SPRING1: variants seen among roughly 807,000 people sequenced by gnomAD.
SPRING1 encodes SREBF pathway regulator in golgi 1, also known as SREBP regulating gene protein.
In SPRING1, 14 loss-of-function variants were observed where a neutral mutation model predicts 24.7. That is an observed-to-expected ratio of 0.57 (90% CI 0.37 to 0.88). SPRING1 has a LOEUF of 0.88. Ranked by LOEUF, SPRING1 falls within the 40% of genes least tolerant of loss-of-function variation. The probability of loss-of-function intolerance (pLI) is 0.00; values close to 1 mark genes in which losing one functional copy is unlikely to be tolerated. For synonymous variants in SPRING1, 93 were observed against 106.1 expected, an observed-to-expected ratio of 0.88 and a Z score of 0.76; for missense variants, 255 against 268.4, an observed-to-expected ratio of 0.95 and a Z score of 0.35.
At chr12:116,722,560 G>A (rs1326106664) in intron 2 of SPRING1, among the ~76,000 whole-genome samples, 1 of 152,136 alleles carries the variant, frequency 6.6e-6, no homozygotes, top group African/African-American at 2.4e-5. Flanking sequence ...AATATGATTT[G>A]CTTTTTCAAT....
At position 116,728,185 on chromosome 12, in the gene SPRING1, C is replaced by T. The variant is rs376881354; in HGVS notation, c.112-4962G>A. ...TTGTTTAATCTCAGGTCAAATGCCT[C>T]GCATAGTTAGGCCCGCCCTGCCACT... On this transcript the variant is annotated intron_variant, in intron 1 of 4. Coordinates refer to ENST00000261318, the MANE Select transcript of SPRING1 (RefSeq NM_024738.4). This position sits in a 1 kb window ranked among gnomAD's most constrained non-coding sequence, Gnocchi z 4.2. Among the ~76,000 whole-genome samples the T allele has an allele frequency of 1.3e-5, 2 of 152,162 alleles. No homozygotes were observed. Among genetic ancestry groups the T allele is most frequent in the Admixed American group, 6.5e-5 (1 of 15,272 alleles).
rs545601876 is a variant in SPRING1 at position 116,713,860 on chromosome 12, T to C, written c.*3950A>G. The C allele has an allele frequency of 6.6e-6, 1 of 152,338 alleles. No individual in the cohort carries two copies. The highest frequency in any genetic ancestry group is 1.5e-5 in the Non-Finnish European group (1 of 68,026). The allele number at this position is 152,338 out of a possible 1,614,324, so 9.4% of individuals were successfully genotyped here. ...ATGGGGGAAGACAAAAATGCGCTTC[T>C]CTCTAGGTTGTGTGATTTTAGGTTA... On this transcript the variant is annotated 3_prime_UTR_variant, in exon 5 of 5. Coordinates refer to ENST00000261318, the MANE Select transcript of SPRING1 (RefSeq NM_024738.4).
At chr12:116,721,847 G>A (rs151222650) in intron 2 of SPRING1, among the ~76,000 whole-genome samples, 7 of 152,290 alleles carry the variant, frequency 4.6e-5, no homozygotes, top group Admixed American at 2.0e-4. Context: ...CATCTTGTAA[G>A]TGTCAGCATC....
intron 1 of SPRING1, among the ~76,000 whole-genome samples, chr12:116,736,463 G>C (rs550350405): frequency 6.6e-6 from 1 of 152,224 alleles, no homozygotes; most frequent in East Asian, 1.9e-4. Flanking sequence ...CTCTCTGTTT[G>C]CCTAAGGTGG....
At position 116,738,045 on chromosome 12, in the gene SPRING1, A is replaced by T; in HGVS notation, c.-145T>A. 12 of 1,092,016 alleles carry T rather than the reference A, an allele frequency of 1.1e-5. No individual in the cohort carries two copies. The highest frequency in any genetic ancestry group is 1.2e-5 in the Non-Finnish European group (11 of 900,024). 67.6% of individuals were successfully genotyped at this position (1,092,016 alleles called of 1,614,324 possible). A position where few individuals can be genotyped will look rare whatever the true frequency, so the allele number is the denominator to read the frequency against. The stretch of plus-strand genomic sequence containing the variant: ...GCCCGCAGCCCAGTCTGCTCCCGGC[A>T]GCCTTGGGCGCAGCCCCACGTGACC... On this transcript the variant is annotated 5_prime_UTR_variant, in exon 1 of 5. Transcript: ENST00000261318.
At position 116,713,527 on chromosome 12, in the gene SPRING1, G is replaced by A. The variant is rs1275161472; in HGVS notation, c.*4283C>T. On this transcript the variant is annotated 3_prime_UTR_variant, in exon 5 of 5. Coordinates refer to ENST00000261318, the MANE Select transcript of SPRING1 (RefSeq NM_024738.4). ...AAAAATAATATCACAGGGTTACCAGGGGTATGACAAAAATGGACACTTCCA... is the reference window on the plus strand; with the variant it reads ...AAAAATAATATCACAGGGTTACCAGAGGTATGACAAAAATGGACACTTCCA... 6.6e-6 allele frequency: 1 copy of A among 152,136 alleles called. No individual in the cohort carries two copies. Among genetic ancestry groups the A allele is most frequent in the Non-Finnish European group, 1.5e-5 (1 of 68,036 alleles). The allele number at this position is 152,136 out of a possible 1,614,324, so 9.4% of individuals were successfully genotyped here.
chr12:116,721,012 C>T (rs1484017855), intron 2 of SPRING1, among the ~76,000 whole-genome samples: 1 of 152,148 alleles, frequency 6.6e-6, no homozygotes, highest in Non-Finnish European at 1.5e-5. Context: ...GTGCCACGGA[C>T]TCAATCACCC....
chr12:116,733,473 T>C (rs112710772), intron 1 of SPRING1, among the ~76,000 whole-genome samples: 4,106 of 127,958 alleles, frequency 0.032, 166 homozygotes, highest in African/African-American at 0.087. Flanking sequence ...CGTGAGCCAC[T>C]GCGCCCGGCC....
At position 116,712,412 on chromosome 12, in the gene SPRING1, G is replaced by C. The variant is rs1427468173; in HGVS notation, c.*5398C>G. On this transcript the variant is annotated 3_prime_UTR_variant, in exon 5 of 5. Coordinates refer to ENST00000261318, the MANE Select transcript of SPRING1 (RefSeq NM_024738.4). ...GCTCTGTGACAGCAGACGAGGTAAGGCATGTTGCAGATACATGCTGAATAT... is the reference window on the plus strand; with the variant it reads ...GCTCTGTGACAGCAGACGAGGTAAGCCATGTTGCAGATACATGCTGAATAT... The C allele has an allele frequency of 6.6e-6, 1 of 152,200 alleles. No homozygotes were observed. The highest frequency in any genetic ancestry group is 1.5e-5 in the Non-Finnish European group (1 of 68,040). The allele number at this position is 152,200 out of a possible 1,614,324, so 9.4% of individuals were successfully genotyped here.
rs1870382999 is a variant in SPRING1, at chr12:116,720,633, C to T, written c.269-186G>A. Among the ~76,000 whole-genome samples the T allele has an allele frequency of 6.8e-6, 1 of 146,818 alleles. No individual in the cohort carries two copies. The highest frequency in any genetic ancestry group is 6.8e-5 in the Admixed American group (1 of 14,706). On this transcript the variant is annotated intron_variant, in intron 2 of 4. Coordinates refer to ENST00000261318, the MANE Select transcript of SPRING1 (RefSeq NM_024738.4). The surrounding 1 kb of genome is among the most constrained non-coding windows in gnomAD (Gnocchi z 4.0). Reference sequence around the variant, plus strand: ...GCTTACTTTCCCCAGGCAGTCGTTTCCAGGAAGCAGGCACTCCCCTGTTAT... The same window carrying T: ...GCTTACTTTCCCCAGGCAGTCGTTTTCAGGAAGCAGGCACTCCCCTGTTAT...
Position 116,737,416 on chromosome 12 carries a change from AAGG to A in SPRING1, c.111+371_111+373del, listed in dbSNP as rs1292802888. Among the ~76,000 whole-genome samples the A allele has an allele frequency of 6.6e-5, 10 of 150,654 alleles. No individual in the cohort carries two copies. In the South Asian group the frequency reaches 1.5e-3, roughly 22 times the overall value. On this transcript the variant is annotated intron_variant, in intron 1 of 4. Transcript: ENST00000261318. ...AAGAAGGAAGGGAGAGGGGGACAGAAAGGAGGAGGACGGAAGGAGGAAGGGAAG... is the reference window on the plus strand; with the variant it reads ...AAGAAGGAAGGGAGAGGGGGACAGAAAGGAGGACGGAAGGAGGAAGGGAAG...
chr12:116,737,565 G>A, intron 1 of SPRING1, among the ~76,000 whole-genome samples: 1 of 144,676 alleles, frequency 6.9e-6, no homozygotes, highest in African/African-American at 2.6e-5. Context: ...AGGAAGGGAG[G>A]CAGGGAGAGG....
rs1566052246 is a variant in SPRING1, at chr12:116,713,068, C to T, written c.*4742G>A. ...CCCTCCCTCCACCCGGCTCCCACTT[C>T]CAGCCAGGTAATTCTGTGTCGTGGG... On this transcript the variant is annotated 3_prime_UTR_variant, in exon 5 of 5. Coordinates refer to ENST00000261318, the MANE Select transcript of SPRING1 (RefSeq NM_024738.4). The T allele has an allele frequency of 6.6e-6, 1 of 152,422 alleles. No homozygotes were observed. The highest frequency in any genetic ancestry group is 1.9e-4 in the East Asian group (1 of 5,208). The allele number at this position is 152,422 out of a possible 1,614,324, so 9.4% of individuals were successfully genotyped here. A position where few individuals can be genotyped will look rare whatever the true frequency, so the allele number is the denominator to read the frequency against.
In SPRING1 at chr12:116,737,803, C is replaced by T. The variant is rs73220422; in HGVS notation, c.98G>A (p.Ser33Asn). 38,998 of 1,592,342 alleles carry T rather than the reference C, an allele frequency of 0.024. 588 individuals are homozygous for T. The highest frequency in any genetic ancestry group is 0.035 in the Middle Eastern group (198 of 5,702). The change falls in exon 1 of 5, where the codon AGC becomes AAC. Residue 33 changes from serine to asparagine, a missense_variant. Coordinates refer to ENST00000261318, the MANE Select transcript of SPRING1 (RefSeq NM_024738.4). ...FGLSLVYFLS[S>N]TFKQEERAVR... is the part of the protein sequence containing the mutation. ...GCGGCCACTGACCTGCTTGAAGGTGCTGCTGAGGAAGTAGACGAGCGACAG... is the reference window on the plus strand; with the variant it reads ...GCGGCCACTGACCTGCTTGAAGGTGTTGCTGAGGAAGTAGACGAGCGACAG...
rs547706729 is a variant in SPRING1, at chr12:116,735,495, G to C, written c.111+2295C>G. Among the ~76,000 whole-genome samples the C allele has an allele frequency of 5.9e-4, 90 of 152,192 alleles. 1 individual carries two copies. The highest frequency in any genetic ancestry group is 2.0e-3 in the African/African-American group (84 of 41,510). On this transcript the variant is annotated intron_variant, in intron 1 of 4. Transcript: ENST00000261318. ...ACCTGTAATCCCAGCACTTTGGGAG[G>C]CCGAGGCAGGTGGATCACTTGAGGT...
rs957000302 is a variant in SPRING1 at position 116,728,988 on chromosome 12, A to G, written c.112-5765T>C. Among the ~76,000 whole-genome samples, 1 of 152,222 alleles carries G rather than the reference A, an allele frequency of 6.6e-6. No individual in the cohort carries two copies. The highest frequency in any genetic ancestry group is 1.9e-4 in the East Asian group (1 of 5,196). ...TGGCTATTGATGCTTACCATATTGA[A>G]AATTAAAACATAAATCCTTAAAATG... On this transcript the variant is annotated intron_variant, in intron 1 of 4. Transcript: ENST00000261318. This position sits in a 1 kb window ranked among gnomAD's most constrained non-coding sequence, Gnocchi z 4.2.
In SPRING1 at chr12:116,738,052, G is replaced by A. The variant is rs1305742393; in HGVS notation, c.-152C>T. On this transcript the variant is annotated 5_prime_UTR_variant, in exon 1 of 5. Transcript: ENST00000261318. ...GCCCAGTCTGCTCCCGGCAGCCTTGGGCGCAGCCCCACGTGACCCCGCCCT... is the reference window on the plus strand; with the variant it reads ...GCCCAGTCTGCTCCCGGCAGCCTTGAGCGCAGCCCCACGTGACCCCGCCCT... The A allele has an allele frequency of 2.8e-6, 3 of 1,086,336 alleles. No individual in the cohort carries two copies. Among genetic ancestry groups the A allele is most frequent in the Non-Finnish European group, 3.3e-6 (3 of 896,592 alleles). 67.3% of individuals were successfully genotyped at this position (1,086,336 alleles called of 1,614,324 possible). A position where few individuals can be genotyped will look rare whatever the true frequency, so the allele number is the denominator to read the frequency against.
At chr12:116,725,558 TAAGTA>T (rs1400043008) in intron 1 of SPRING1, among the ~76,000 whole-genome samples, 2 of 152,158 alleles carry the variant, frequency 1.3e-5, no homozygotes, top group Non-Finnish European at 2.9e-5. Flanking sequence ...AGAAGGAAAT[TAAGTA>T]AAGATTCTGT....
rs894293619 is a variant in SPRING1 at position 116,716,764 on chromosome 12, T to C, written c.*1046A>G. The C allele has an allele frequency of 1.1e-4, 16 of 152,266 alleles. No individual in the cohort carries two copies. The highest frequency in any genetic ancestry group is 6.5e-4 in the Admixed American group (10 of 15,298). The allele number at this position is 152,266 out of a possible 1,614,324, so 9.4% of individuals were successfully genotyped here. On this transcript the variant is annotated 3_prime_UTR_variant, in exon 5 of 5. Transcript: ENST00000261318. ...GTTTCTTCTTCTTCTCTATAAATCATAGGGAAACCAAATATTTGTACCTGT... is the reference window on the plus strand; with the variant it reads ...GTTTCTTCTTCTTCTCTATAAATCACAGGGAAACCAAATATTTGTACCTGT...
Sources: allele counts gnomAD v4.1 joint callset (sites outside exome capture counted in the v4.1 genomes callset), GRCh38; gene constraint gnomAD v4.1.1; non-coding constraint Gnocchi (gnomAD v3.1); transcripts MANE v1.5; gene names NCBI Gene and HGNC (gene_info 2026-07-23, HGNC 2026-07-21).